The following CLASP1 variants were observed in gnomAD, a reference collection of about 807,000 sequenced individuals.
The protein encoded by CLASP1 is CLIP-associating protein 1.
CLASP1 carries 38 observed loss-of-function variants against 192.3 expected under a neutral mutation model. The observed-to-expected ratio is 0.20, with a 90% confidence interval of 0.15 to 0.26. The LOEUF (loss-of-function observed/expected upper bound fraction) is 0.26. CLASP1 is among the 10% of genes least tolerant of loss of function. The probability of loss-of-function intolerance (pLI) is 1.00; values close to 1 mark genes in which losing one functional copy is unlikely to be tolerated. For missense variants in CLASP1, 1,433 were observed against 1,932.5 expected (o/e 0.74, Z 4.85); for synonymous variants, 691 against 712.8 (o/e 0.97, Z 0.49).
intron 20 of CLASP1, among the ~76,000 whole-genome samples, chr2:121,427,992 T>A (rs947024872): frequency 1.3e-5 from 2 of 152,358 alleles, no homozygotes; most frequent in South Asian, 4.1e-4. Context: ...AATAATTTTT[T>A]AAATATTTAA....
In CLASP1 at chr2:121,504,159, G is replaced by C. The variant is rs374279471; in HGVS notation, c.645-925C>G. On this transcript the variant is annotated intron_variant, in intron 7 of 39. Transcript: ENST00000263710. ...AGGCAGGAGAATTGCTTGAACCCGG[G>C]AGACAGAGGCTGCAATGAGCCGAGA... Among the ~76,000 whole-genome samples, 39 of 151,810 alleles carry C rather than the reference G, an allele frequency of 2.6e-4. No homozygotes were observed. The East Asian group carries it at 7.4e-3, about 29-fold the overall frequency.
At chr2:121,605,908 A>G in exon 2 of CLASP1, 1 of 1,611,622 alleles carries the variant, frequency 6.2e-7, no homozygotes, top group Non-Finnish European at 8.5e-7. Flanking sequence ...TGGAATTCAA[A>G]TCCAGATCCA....
chr2:121,632,678 C>T (rs1376277285), intron 1 of CLASP1, among the ~76,000 whole-genome samples: 1 of 152,110 alleles, frequency 6.6e-6, no homozygotes, highest in Non-Finnish European at 1.5e-5. Context: ...TGGCAGATCA[C>T]CTGAGGTCAG....
At chr2:121,401,358 G>A (rs1171965155) in intron 28 of CLASP1, 151 bp downstream of exon 29, 18 of 594,054 alleles carry the variant, frequency 3.0e-5, no homozygotes, top group Admixed American at 1.1e-4. Flanking sequence ...GGTGGGACAT[G>A]TCAACAAGTA....
chr2:121,449,001 G>A, exon 17 of CLASP1: 1 of 1,613,982 alleles, frequency 6.2e-7, no homozygotes, highest in African/African-American at 1.3e-5. Flanking sequence ...CTGAGGCAGA[G>A]ACACTATGCT....
chr2:121,365,576 CAAAG>C (rs2067245028), intron 35 of CLASP1, among the ~76,000 whole-genome samples: 1 of 152,218 alleles, frequency 6.6e-6, no homozygotes, highest in African/African-American at 2.4e-5. Flanking sequence ...CTACTTCAGA[CAAAG>C]AGAAGAAATG....
chr2:121,470,320 T>TTTTAA (rs2090484701), intron 8 of CLASP1: 1 of 460,832 alleles, frequency 2.2e-6, no homozygotes, highest in African/African-American at 2.5e-5. Context: ...TTTTTTTTTT[T>TTTTAA]GAAGACAGAG....
At chr2:121,420,996 G>A (rs1423628067) in intron 22 of CLASP1, among the ~76,000 whole-genome samples, 6 of 152,112 alleles carry the variant, frequency 3.9e-5, no homozygotes, top group Non-Finnish European at 8.8e-5. Context: ...TCACCCATTC[G>A]AGCTGATTTT....
At chr2:121,542,662 T>C (rs1454962605) in intron 2 of CLASP1, among the ~76,000 whole-genome samples, 1 of 152,214 alleles carries the variant, frequency 6.6e-6, no homozygotes, top group Non-Finnish European at 1.5e-5. Context: ...AAAATTCCTC[T>C]TCTGGAATGC....
intron 1 of CLASP1, among the ~76,000 whole-genome samples, chr2:121,641,917 C>T (rs1434697698): frequency 6.6e-6 from 1 of 152,004 alleles, no homozygotes; most frequent in African/African-American, 2.4e-5. Flanking sequence ...CCCAGCTACT[C>T]AGGAGGCTGA....
In CLASP1 at chr2:121,503,158, T is replaced by A; in HGVS notation, c.712+9A>T. 6.5e-7 allele frequency: 1 copy of A among 1,537,438 alleles called. No individual in the cohort carries two copies. Among genetic ancestry groups the A allele is most frequent in the Non-Finnish European group, 8.8e-7 (1 of 1,135,142 alleles). On this transcript the variant is annotated intron_variant, in intron 8 of 39. Coordinates refer to ENST00000263710, the Ensembl canonical transcript of CLASP1. Reference sequence around the variant, plus strand: ...AAAAGCAAAAGTAGGGATTGCTTTTTCTACTCACCATTTGCAGATTGTATC... The same window carrying A: ...AAAAGCAAAAGTAGGGATTGCTTTTACTACTCACCATTTGCAGATTGTATC...
chr2:121,344,103 A>G (rs2063136168), intron 39 of CLASP1, among the ~76,000 whole-genome samples: 1 of 152,026 alleles, frequency 6.6e-6, no homozygotes, highest in African/African-American at 2.4e-5. Flanking sequence ...AAATTTTATT[A>G]TACCACAATA....
At chr2:121,503,274 C>G (rs963003068) in intron 7 of CLASP1, 40 bp from the exon 8 acceptor site, 1 of 1,107,808 alleles carries the variant, frequency 9.0e-7, no homozygotes, top group Non-Finnish European at 1.3e-6. Context: ...TTAACCATCA[C>G]TGCTCATAGC....
At chr2:121,394,529 G>A (rs2074949403) in intron 30 of CLASP1, among the ~76,000 whole-genome samples, 1 of 152,144 alleles carries the variant, frequency 6.6e-6, no homozygotes, top group Non-Finnish European at 1.5e-5. Context: ...GCTGCTTTCA[G>A]GATTCTCTCT....
At chr2:121,347,194 A>G (rs1376537208) in intron 38 of CLASP1, 40 bp from the exon 40 acceptor site, 1 of 1,351,116 alleles carries the variant, frequency 7.4e-7, no homozygotes, top group South Asian at 1.3e-5. Flanking sequence ...AAACCAGATC[A>G]AAGATTCATT....
intron 4 of CLASP1, 119 bp downstream of exon 4, chr2:121,528,557 TG>T: frequency 4.0e-6 from 3 of 742,270 alleles, no homozygotes; most frequent in Non-Finnish European, 7.1e-6. Context: ...AATTTTTATC[TG>T]TAATACATCA....
At chr2:121,504,632 T>C (rs892133401) in intron 7 of CLASP1, among the ~76,000 whole-genome samples, 3 of 152,214 alleles carry the variant, frequency 2.0e-5, no homozygotes, top group Non-Finnish European at 4.4e-5. Flanking sequence ...GTGCCCATTA[T>C]GTGCCCAACA....
chr2:121,517,858 C>CTTTTTTTTTTTTTT (rs70954553), intron 6 of CLASP1, among the ~76,000 whole-genome samples: 8 of 30,820 alleles, frequency 2.6e-4, no homozygotes, highest in African/African-American at 1.2e-3. Context: ...AAGACTCAAG[C>CTTTTTTTTTTTTTT]TTTTTTTTTT....
chr2:121,351,890 G>A (rs547559229), intron 37 of CLASP1, among the ~76,000 whole-genome samples: 12 of 152,336 alleles, frequency 7.9e-5, no homozygotes, highest in African/African-American at 2.6e-4. Flanking sequence ...CAAGCACCTC[G>A]TAAGATTCTT....
Sources: gnomAD v4.1 joint callset for allele counts (sites outside exome capture counted in the v4.1 genomes callset) on GRCh38, gnomAD v4.1.1 for gene constraint, MANE v1.5 for transcripts, NCBI Gene and HGNC (gene_info 2026-07-23, HGNC 2026-07-21) for gene names.